The following RTTN variants were observed in gnomAD, a reference collection of about 807,000 sequenced individuals.
RTTN encodes rotatin.
A neutral mutation model predicts 269.2 loss-of-function variants in RTTN; 182 were observed. That is an observed-to-expected ratio of 0.68 (90% CI 0.60 to 0.76). RTTN has a LOEUF of 0.76. Among genes scored for constraint, RTTN ranks in the 30% least tolerant of loss-of-function variants. The probability of loss-of-function intolerance (pLI) is 0.00; values close to 1 mark genes in which losing one functional copy is unlikely to be tolerated. For synonymous variants in RTTN, 1,006 were observed against 963.5 expected (o/e 1.04, Z -0.82); for missense variants, 2,545 against 2,608.6 (o/e 0.98, Z 0.53).
chr18:70,029,083 T>C (rs2056934849), intron 42 of RTTN, among the ~76,000 whole-genome samples: 1 of 150,564 alleles, frequency 6.6e-6, no homozygotes, highest in South Asian at 2.1e-4. Flanking sequence ...GTGAGGCAGA[T>C]ACTGAGAGAT....
chr18:70,166,135 A>C lies in RTTN; in HGVS notation c.1856T>G (p.Leu619Arg). 6.2e-7 allele frequency: 1 copy of C among 1,613,844 alleles called. No homozygotes were observed. ...PLLQGESQKV[L>R]LHMLSHPLPR... ...CAATGGGTGAGACAACATATGGAGA[A>C]GCACCTTCTGACTTTCTCCTTGTAG... Residue 619 changes from leucine to arginine, a missense_variant, in exon 14 of 49, where the codon CTT becomes CGT. Leu to Arg is a moderately radical substitution (Grantham distance 102, BLOSUM62 -2). Transcript: ENST00000640769.
chr18:70,016,825 T>A (rs532611915), intron 46 of RTTN, among the ~76,000 whole-genome samples: 12 of 151,976 alleles, frequency 7.9e-5, no homozygotes, highest in Admixed American at 7.9e-4. Context: ...CAATTCTAGG[T>A]GCTACACATA....
At chr18:70,049,280 G>A (rs1174030980) in intron 39 of RTTN, among the ~76,000 whole-genome samples, 1 of 152,158 alleles carries the variant, frequency 6.6e-6, no homozygotes, top group Non-Finnish European at 1.5e-5. Context: ...TTTATCTAAT[G>A]TGGGTAGCAT....
intron 30 of RTTN, among the ~76,000 whole-genome samples, chr18:70,090,980 C>A (rs1294051453): frequency 6.6e-6 from 1 of 151,978 alleles, no homozygotes; most frequent in Non-Finnish European, 1.5e-5. Flanking sequence ...TCCTTTTTTT[C>A]CTATTTCTCT....
In RTTN at chr18:70,109,431, A is replaced by G; in HGVS notation, c.3903+67T>C. 4.5e-6 allele frequency: 5 copies of G among 1,119,640 alleles called. No individual in the cohort carries two copies. In the Middle Eastern group the frequency reaches 6.1e-4, roughly 137 times the overall value. 69.4% of individuals were successfully genotyped at this position (1,119,640 alleles called of 1,614,324 possible). On this transcript the variant is annotated intron_variant, in intron 28 of 48. Coordinates refer to ENST00000640769, the MANE Select transcript of RTTN (RefSeq NM_173630.4). ...CATTGAATAGAGTAACGTATAATGC[A>G]CTTGTGGCCTGGCATAAAGTAAAAG...
intron 26 of RTTN, among the ~76,000 whole-genome samples, chr18:70,115,524 A>G (rs1016805412): frequency 2.0e-5 from 3 of 151,552 alleles, no homozygotes; most frequent in African/African-American, 7.3e-5. Context: ...CTGTGCTAAA[A>G]AAAAAAGATA....
At chr18:70,039,503 C>T (rs1259913246) in intron 40 of RTTN, among the ~76,000 whole-genome samples, 2 of 151,804 alleles carry the variant, frequency 1.3e-5, no homozygotes, top group African/African-American at 4.8e-5. Flanking sequence ...AAACCTTAGA[C>T]AAACAAAAGC....
At chr18:70,138,668 G>A (rs989204748) in intron 21 of RTTN, 1 of 152,110 alleles carries the variant, frequency 6.6e-6, no homozygotes, top group African/African-American at 2.4e-5. Flanking sequence ...AAAATGTTAT[G>A]AGCCTAAACA....
intron 15 of RTTN, 42 bp downstream of exon 15, chr18:70,150,566 T>C (rs1481425352): frequency 1.3e-6 from 2 of 1,587,500 alleles, no homozygotes; most frequent in Middle Eastern, 1.7e-4. Flanking sequence ...TAGCTGAGTA[T>C]CTAAGTTACT....
At chr18:70,109,371 T>C (rs2059401790) in intron 28 of RTTN, 127 bp downstream of exon 28, 2 of 631,252 alleles carry the variant, frequency 3.2e-6, no homozygotes, top group African/African-American at 1.8e-5. Context: ...AACATTTCAC[T>C]ATTATGACTT....
chr18:70,103,212 A>G (rs1278749352), intron 28 of RTTN, among the ~76,000 whole-genome samples: 1 of 152,172 alleles, frequency 6.6e-6, no homozygotes, highest in East Asian at 1.9e-4. Flanking sequence ...GCAATCTTCC[A>G]AGCATGAAGT....
chr18:70,114,210 T>A (rs930020236), intron 27 of RTTN, among the ~76,000 whole-genome samples: 2 of 152,052 alleles, frequency 1.3e-5, no homozygotes, highest in African/African-American at 4.8e-5. Flanking sequence ...AGAACAAAAC[T>A]GTGTGTGTGC....
intron 33 of RTTN, among the ~76,000 whole-genome samples, chr18:70,074,316 A>C (rs1194242960): frequency 6.6e-6 from 1 of 152,110 alleles, no homozygotes; most frequent in African/African-American, 2.4e-5. Flanking sequence ...CTGTTAGTTT[A>C]AGGGCCATGC....
chr18:70,005,519 A>C, intron 47 of RTTN: 1 of 334,608 alleles, frequency 3.0e-6, no homozygotes, highest in Non-Finnish European at 5.4e-6. Context: ...CTTCTCTTTT[A>C]CTCCTTCTCC....
chr18:70,121,927 A>T (rs1344546748), intron 25 of RTTN, among the ~76,000 whole-genome samples: 1 of 152,190 alleles, frequency 6.6e-6, no homozygotes, highest in Non-Finnish European at 1.5e-5. Flanking sequence ...AAATAACTAG[A>T]AGTGACAAAT....
At chr18:70,173,327 T>C (rs1017757426) in intron 11 of RTTN, among the ~76,000 whole-genome samples, 7 of 151,884 alleles carry the variant, frequency 4.6e-5, no homozygotes, top group African/African-American at 9.7e-5. Flanking sequence ...ACACCATCTC[T>C]ACTAAAAATA....
chr18:70,005,217 T>C lies in RTTN; in HGVS notation c.6576A>G (p.Ala2192=), dbSNP rs771068404. The C allele has an allele frequency of 3.1e-6, 5 of 1,612,452 alleles. No individual in the cohort carries two copies. The highest frequency in any genetic ancestry group is 4.2e-6 in the Non-Finnish European group (5 of 1,178,974). Residue 2192 remains alanine (A), a synonymous_variant, in exon 48 of 49, where the codon GCA becomes GCG. Coordinates refer to ENST00000640769, the MANE Select transcript of RTTN (RefSeq NM_173630.4). ...SPSVKRRVDE[A]YSLAKKTFPN... Reference sequence around the variant, plus strand: ...ACTTACTTTTCTTTGCTAAGGAGTATGCTTCATCCACTCTTCTTTTTACTG... The same window carrying C: ...ACTTACTTTTCTTTGCTAAGGAGTACGCTTCATCCACTCTTCTTTTTACTG...
At chr18:70,049,400 ATATTT>A (rs2057589760) in intron 39 of RTTN, among the ~76,000 whole-genome samples, 1 of 152,196 alleles carries the variant, frequency 6.6e-6, no homozygotes, top group Admixed American at 6.5e-5. Context: ...TTCAATTATT[ATATTT>A]TAAACAAAAT....
chr18:70,033,762 A>G (rs2365742), intron 40 of RTTN, among the ~76,000 whole-genome samples: 1 of 151,772 alleles, frequency 6.6e-6, no homozygotes, highest in Non-Finnish European at 1.5e-5. Flanking sequence ...ACCATTCAAA[A>G]GACCAATGAA....
Sources: allele counts gnomAD v4.1 joint callset (sites outside exome capture counted in the v4.1 genomes callset), GRCh38; gene constraint gnomAD v4.1.1; transcripts MANE v1.5; gene names NCBI Gene and HGNC (gene_info 2026-07-23, HGNC 2026-07-21).